Variants in CPSF3 observed in about 807,000 individuals in gnomAD.
CPSF3 encodes the protein cleavage and polyadenylation specificity factor subunit 3.
CPSF3 carries 57 observed loss-of-function variants against 84.1 expected under a neutral mutation model. The ratio of observed to expected loss-of-function variants is 0.68; its 90% CI spans 0.55 to 0.85. The LOEUF (loss-of-function observed/expected upper bound fraction) is 0.85, where lower values mean the gene tolerates loss of function less well. CPSF3 is among the 40% of genes least tolerant of loss of function. The pLI, the probability that CPSF3 is intolerant of heterozygous loss-of-function variation, is 0.00. For missense variants in CPSF3, 522 were observed against 838.8 expected (o/e 0.62, Z 4.66); for synonymous variants, 275 against 278.1 (o/e 0.99, Z 0.11).
chr2:9,436,459 T>TG, intron 7 of CPSF3, 98 bp downstream of exon 7: 1 of 1,281,456 alleles, frequency 7.8e-7, no homozygotes, highest in Non-Finnish European at 1.1e-6. Context: ...CGTTCTGGAC[T>TG]TCAGTTTTCT....
intron 15 of CPSF3, among the ~76,000 whole-genome samples, chr2:9,461,966 T>C (rs919543881): frequency 6.6e-6 from 1 of 152,072 alleles, no homozygotes; most frequent in Admixed American, 6.6e-5. Flanking sequence ...TTCTCCATGT[T>C]GGTCGGGCTG....
chr2:9,472,121 C>G (rs995810340), intron 17 of CPSF3, among the ~76,000 whole-genome samples: 2 of 151,390 alleles, frequency 1.3e-5, no homozygotes, highest in African/African-American at 4.9e-5. Context: ...TGAGACCAGC[C>G]TGGCCAACAT....
At chr2:9,431,631 G>A (rs1191539148) in intron 4 of CPSF3, among the ~76,000 whole-genome samples, 1 of 142,348 alleles carries the variant, frequency 7.0e-6, no homozygotes. Context: ...TGCAACCTCT[G>A]CTCCCGGGTT....
chr2:9,432,471 T>A (rs945086955), intron 4 of CPSF3, 40 bp from the exon 5 acceptor site: 1 of 1,388,242 alleles, frequency 7.2e-7, no homozygotes, highest in African/African-American at 1.4e-5. Flanking sequence ...TTAAAAAATC[T>A]GACTCTTAAT....
intron 13 of CPSF3, 127 bp downstream of exon 13, chr2:9,455,884 G>A (rs2124849821): frequency 1.6e-6 from 1 of 624,864 alleles, no homozygotes; most frequent in Non-Finnish European, 2.7e-6. Context: ...ATAAATATGT[G>A]TGATCATGTT....
intron 11 of CPSF3, among the ~76,000 whole-genome samples, chr2:9,450,147 A>ATTTTTTTTTTTTTTTTTT (rs750560891): frequency 8.2e-6 from 1 of 122,688 alleles, no homozygotes. Flanking sequence ...ACAGGCACAA[A>ATTTTTTTTTTTTTTTTTT]TTTTTTTTTT....
chr2:9,458,919 G>A (rs2124855122), intron 14 of CPSF3, among the ~76,000 whole-genome samples: 1 of 152,036 alleles, frequency 6.6e-6, no homozygotes, highest in South Asian at 2.1e-4. Flanking sequence ...TAGAGACCAG[G>A]CTGACCAACA....
intron 7 of CPSF3, 80 bp downstream of exon 7, chr2:9,436,441 C>T: frequency 2.8e-6 from 4 of 1,430,306 alleles, no homozygotes; most frequent in Non-Finnish European, 3.8e-6. Flanking sequence ...TTGGATGAGT[C>T]ATTCCACCGT....
rs535070965 is a variant in CPSF3, at chr2:9,430,723, A to T, written c.213-29A>T. 2.5e-6 allele frequency: 4 copies of T among 1,587,086 alleles called. No homozygotes were observed. In the African/African-American group the frequency reaches 4.1e-5, roughly 16 times the overall value. ...TGGTATCTGATGGATAATAATTTTA[A>T]GAATTAATGCAGCCTCTTTCTTTTT... On this transcript the variant is annotated intron_variant, in intron 3 of 17. Transcript: ENST00000238112.
chr2:9,449,877 T>C (rs2124838483), intron 11 of CPSF3, among the ~76,000 whole-genome samples: 1 of 152,366 alleles, frequency 6.6e-6, no homozygotes. Context: ...TTTACTTCTG[T>C]TGATCACAAC....
At chr2:9,455,636 G>A in intron 12 of CPSF3, 23 bp from the exon 13 acceptor site, 1 of 1,557,638 alleles carries the variant, frequency 6.4e-7, no homozygotes, top group East Asian at 2.2e-5. Flanking sequence ...ATTTCTTCAA[G>A]TCTCTTCTCA....
Sources: gnomAD v4.1 joint callset for allele counts (sites outside exome capture counted in the v4.1 genomes callset) on GRCh38, gnomAD v4.1.1 for gene constraint, MANE v1.5 for transcripts, NCBI Gene and HGNC (gene_info 2026-07-23, HGNC 2026-07-21) for gene names.